The following RARB variants were observed in gnomAD, a reference collection of about 807,000 sequenced individuals.
RARB encodes the protein retinoic acid receptor beta.
A neutral mutation model predicts 51.9 loss-of-function variants in RARB; 17 were observed. That is an observed-to-expected ratio of 0.33 (90% CI 0.22 to 0.49). The LOEUF (loss-of-function observed/expected upper bound fraction) is 0.49, where lower values mean the gene tolerates loss of function less well. Among genes scored for constraint, RARB ranks in the 20% least tolerant of loss-of-function variants. The probability of loss-of-function intolerance (pLI) is 0.99; values close to 1 mark genes in which losing one functional copy is unlikely to be tolerated. For synonymous variants in RARB, 215 were observed against 195.4 expected (o/e 1.10, Z -0.84); for missense variants, 369 against 550.8 (o/e 0.67, Z 3.30).
intron 2 of RARB, among the ~76,000 whole-genome samples, chr3:24,978,663 T>C (rs1373165489): frequency 6.6e-6 from 1 of 152,074 alleles, no homozygotes; most frequent in Non-Finnish European, 1.5e-5. Flanking sequence ...TTTATTAATC[T>C]TGCTATCAGT....
chr3:24,895,624 T>TTA lies in RARB; in HGVS notation c.-380+36873_-380+36874insAT, dbSNP rs1553611663. Among the ~76,000 whole-genome samples the TTA allele has an allele frequency of 1.8e-3, 279 of 151,684 alleles. 2 individuals carry two copies. Among genetic ancestry groups the TTA allele is most frequent in the South Asian group, 0.012 (56 of 4,798 alleles). ...CTCCTTACAATTGGGTCTTTTTTTT[T>TTA]TTTCCTTGAGAAGGAGTCTCGCTCT... On this transcript the variant is annotated intron_variant, in intron 2 of 11. Transcript: ENST00000383772.
chr3:24,878,711 C>CG (rs1458451806), intron 2 of RARB, among the ~76,000 whole-genome samples: 1 of 151,670 alleles, frequency 6.6e-6, no homozygotes, highest in Middle Eastern at 3.2e-3. Flanking sequence ...GTCTTGGAGT[C>CG]GGGGGTGAAG....
intron 2 of RARB, among the ~76,000 whole-genome samples, chr3:24,933,806 T>A (rs147510350): frequency 1.3e-5 from 2 of 152,258 alleles, no homozygotes; most frequent in East Asian, 3.9e-4. Context: ...TATCTTTGTT[T>A]TGTAGTGTGT....
chr3:25,077,701 TCA>T (rs1464433351), intron 3 of RARB, among the ~76,000 whole-genome samples: 1 of 152,166 alleles, frequency 6.6e-6, no homozygotes, highest in Non-Finnish European at 1.5e-5. Flanking sequence ...AATTGCTGGA[TCA>T]CAGAGTGTGT....
At chr3:25,418,836 G>A (rs1191418916) in intron 5 of RARB, among the ~76,000 whole-genome samples, 1 of 151,978 alleles carries the variant, frequency 6.6e-6, no homozygotes, top group Non-Finnish European at 1.5e-5. Context: ...AGGCAAGTTA[G>A]GGTGATAAGA....
chr3:25,494,448 C>G (rs1202824433), intron 2 of RARB, among the ~76,000 whole-genome samples: 1 of 152,160 alleles, frequency 6.6e-6, no homozygotes, highest in Non-Finnish European at 1.5e-5. Context: ...CCTTCTAACT[C>G]CTTTGAATTC....
rs187851221 is a variant in RARB, at chr3:25,390,408, G to A, written c.179-70785G>A. On this transcript the variant is annotated intron_variant, in intron 5 of 11. Coordinates refer to the RARB transcript ENST00000383772. ...TGGATCTGCCAACACCTTGATCTGG[G>A]ACTTCCCAGTCTCCAGAATTATGAG... Among the ~76,000 whole-genome samples, 6 of 152,220 alleles carry A rather than the reference G, an allele frequency of 3.9e-5. No individual in the cohort carries two copies. In the East Asian group the frequency reaches 1.2e-3, roughly 29 times the overall value.
chr3:25,330,975 C>T (rs1351851655), intron 5 of RARB, among the ~76,000 whole-genome samples: 1 of 152,218 alleles, frequency 6.6e-6, no homozygotes, highest in Non-Finnish European at 1.5e-5. Context: ...GAAGAGTTAA[C>T]TGTGCTAAAT....
chr3:24,972,558 C>T (rs35120038), intron 2 of RARB, among the ~76,000 whole-genome samples: 1 of 151,812 alleles, frequency 6.6e-6, no homozygotes, highest in African/African-American at 2.4e-5. Flanking sequence ...TTCTGAGGAA[C>T]CTCTGTACAG....
At chr3:25,559,686 C>T (rs1156627459) in intron 3 of RARB, among the ~76,000 whole-genome samples, 3 of 151,896 alleles carry the variant, frequency 2.0e-5, no homozygotes, top group Admixed American at 6.6e-5. Context: ...TTGGTTGGAT[C>T]GATGGATGGA....
At chr3:24,926,503 A>G (rs1254541816) in intron 2 of RARB, among the ~76,000 whole-genome samples, 3 of 152,112 alleles carry the variant, frequency 2.0e-5, no homozygotes, top group African/African-American at 7.2e-5. Flanking sequence ...AGATAGTGCT[A>G]AAATATCACC....
chr3:25,434,818 G>A (rs112368690), intron 1 of RARB, among the ~76,000 whole-genome samples: 3 of 151,962 alleles, frequency 2.0e-5, no homozygotes, highest in African/African-American at 7.2e-5. Context: ...GAGATTACAG[G>A]CGTGAGCCAC....
intron 2 of RARB, among the ~76,000 whole-genome samples, chr3:24,982,875 C>A (rs1039801145): frequency 6.6e-6 from 1 of 152,164 alleles, no homozygotes. Context: ...AAATTCCCAT[C>A]CTGTAACACA....
intron 2 of RARB, among the ~76,000 whole-genome samples, chr3:24,913,406 T>C (rs78704147): frequency 0.063 from 7,280 of 114,916 alleles, 287 homozygotes; most frequent in African/African-American, 0.17. Flanking sequence ...CTCTCTCTTT[T>C]TTTTTTTTTT....
intron 2 of RARB, among the ~76,000 whole-genome samples, chr3:24,968,360 T>A (rs1478349352): frequency 1.3e-5 from 2 of 152,168 alleles, no homozygotes; most frequent in African/African-American, 4.8e-5. Flanking sequence ...TTCTCTTGTT[T>A]CCCATGACTA....
intron 1 of RARB, among the ~76,000 whole-genome samples, chr3:24,841,921 T>C (rs758207348): frequency 3.3e-5 from 5 of 152,190 alleles, no homozygotes; most frequent in Admixed American, 1.3e-4. Context: ...TAAAATTAAA[T>C]ATGAAAGAAC....
At chr3:24,947,726 G>A (rs966323701) in intron 2 of RARB, among the ~76,000 whole-genome samples, 2 of 152,160 alleles carry the variant, frequency 1.3e-5, no homozygotes, top group Non-Finnish European at 2.9e-5. Flanking sequence ...CATAGTGTGC[G>A]AAGAAGGGAG....
rs777226229 is a variant in RARB, at chr3:25,580,578, C to T, written c.642C>T (p.Asp214=). 1.9e-6 allele frequency: 3 copies of T among 1,607,782 alleles called. No homozygotes were observed. The highest frequency in any genetic ancestry group is 1.7e-6 in the Non-Finnish European group (2 of 1,175,042). ...NSSADHRVRL[D]LGLWDKFSEL... ...GTGCTGACCATCGAGTCCGACTGGA[C>T]CTGGGCCTCTGGGACAAATTCAGTG... The change falls in exon 5 of 8, where the codon GAC becomes GAT. Residue 214 remains aspartate, a synonymous_variant. Transcript: ENST00000330688.
intron 2 of RARB, among the ~76,000 whole-genome samples, chr3:25,469,195 C>G (rs1695580867): frequency 6.6e-6 from 1 of 152,200 alleles, no homozygotes; most frequent in South Asian, 2.1e-4. Context: ...AGACAGCAAG[C>G]AGAATGTTCA....
Sources: allele counts gnomAD v4.1 joint callset (sites outside exome capture counted in the v4.1 genomes callset), GRCh38; gene constraint gnomAD v4.1.1; transcripts MANE v1.5; gene names NCBI Gene and HGNC (gene_info 2026-07-23, HGNC 2026-07-21).